Variants in JMJD6 observed in about 807,000 individuals in gnomAD.
The protein encoded by JMJD6 is jumonji domain containing 6, arginine demethylase and lysine hydroxylase.
A neutral mutation model predicts 45.8 loss-of-function variants in JMJD6; 17 were observed. The ratio of observed to expected loss-of-function variants is 0.37; its 90% CI spans 0.25 to 0.56. The LOEUF is 0.56. JMJD6 is among the 20% of genes least tolerant of loss of function. The pLI is 0.79. For missense variants in JMJD6, 470 were observed against 517.5 expected (o/e 0.91, Z 0.89); for synonymous variants, 221 against 196.3 (o/e 1.13, Z -1.05).
Position 76,722,807 on chromosome 17 carries a change from T to C in JMJD6, c.806-874A>G, listed in dbSNP as rs191678131. On this transcript the variant is annotated intron_variant, in intron 3 of 5. Coordinates refer to ENST00000397625, the MANE Select transcript of JMJD6 (RefSeq NM_015167.3). ...GTTGTAGTGGGCTGAGATTGTGCCA[T>C]TGTGCTCCAGCCTGGGTGACAGAGC... Among the ~76,000 whole-genome samples, 291 of 136,998 alleles carry C rather than the reference T, an allele frequency of 2.1e-3. 2 individuals carry two copies. The highest frequency in any genetic ancestry group is 3.7e-3 in the Middle Eastern group (1 of 268). The allele number at this position is 136,998 out of a possible 152,430, so 89.9% of individuals were successfully genotyped here.
In JMJD6 at chr17:76,723,953, C is replaced by G; in HGVS notation, c.624G>C (p.Leu208=). The stretch of plus-strand genomic sequence containing the variant: ...GTTCCCTGGGAGTGCTGGTAGGAAA[C>G]AGGCACCAGCGCTTGTGGCCCTGAA... The part of the protein sequence containing the change: ...ALVQGHKRWC[L]FPTSTPRELI... The change falls in exon 3 of 6, where the codon CTG becomes CTC. Residue 208 remains leucine, a synonymous_variant. Coordinates refer to ENST00000397625, the MANE Select transcript of JMJD6 (RefSeq NM_015167.3). The G allele has an allele frequency of 6.2e-7, 1 of 1,614,112 alleles. No individual in the cohort carries two copies. The highest frequency in any genetic ancestry group is 8.5e-7 in the Non-Finnish European group (1 of 1,180,024).
In JMJD6 at chr17:76,723,899, C is replaced by T; in HGVS notation, c.678G>A (p.Gly226=). The T allele has an allele frequency of 6.2e-7, 1 of 1,614,084 alleles. No homozygotes were observed. The highest frequency in any genetic ancestry group is 1.3e-5 in the African/African-American group (1 of 75,002). ...ELIKVTRDEG[G]NQQDEAITWF... ...AGGTAATAGCTTCGTCTTGCTGGTT[C>T]CCTCCTTCGTCTCGGGTCACTTTGA... Residue 226 remains glycine, a synonymous_variant, in exon 3 of 6, where the codon GGG becomes GGA. Transcript: ENST00000397625.
chr17:76,715,997 C>T (rs2076761173), downstream of JMJD6: 1 of 152,246 alleles, frequency 6.6e-6, no homozygotes, highest in Non-Finnish European at 1.5e-5. Context: ...CCTATTCATA[C>T]TTTAAGTTCT....
chr17:76,724,885 C>A (rs911767801), intron 2 of JMJD6, among the ~76,000 whole-genome samples: 1 of 151,858 alleles, frequency 6.6e-6, no homozygotes, highest in African/African-American at 2.4e-5. Context: ...TTTATTAAAA[C>A]CTCCCTTAGA....
At chr17:76,725,885 T>TAAA (rs376352692) in intron 1 of JMJD6, 30 bp from the exon 2 acceptor site, 8 of 1,403,466 alleles carry the variant, frequency 5.7e-6, no homozygotes, top group East Asian at 4.7e-5. Context: ...CCTGTCCAGT[T>TAAA]AAAAAAAAAA....
In JMJD6 at chr17:76,724,015, T is replaced by G; in HGVS notation, c.562A>C (p.Ile188Leu). Residue 188 changes from isoleucine to leucine, a missense_variant, in exon 3 of 6, where the codon ATC becomes CTC. Ile to Leu is a conservative substitution (Grantham distance 5). This residue lies in a region of JMJD6 where 346 missense variants were observed against 339.5 expected (regional missense o/e 1.02). Transcript: ENST00000397625. ...GPPRSGTGIH[I>L]DPLGTSAWNA... ...CAGGCACTGGTTCCCAGAGGGTCGA[T>G]GTGAATCCCAGTTCCGGAGCGTGGT... 1 of 1,614,156 alleles carries G rather than the reference T, an allele frequency of 6.2e-7. No homozygotes were observed.
chr17:76,724,088 G>A lies in JMJD6; in HGVS notation c.519-30C>T, dbSNP rs766240045. On this transcript the variant is annotated intron_variant, in intron 2 of 5. Coordinates refer to ENST00000397625, the MANE Select transcript of JMJD6 (RefSeq NM_015167.3). Reference sequence around the variant, plus strand: ...AGAATGGAGATATCCAAGATGTGAAGTGTAATTTACTTACACACATACCAC... The same window carrying A: ...AGAATGGAGATATCCAAGATGTGAAATGTAATTTACTTACACACATACCAC... 1.1e-5 allele frequency: 17 copies of A among 1,608,122 alleles called. No homozygotes were observed. The Admixed American group carries it at 1.7e-4, about 16-fold the overall frequency.
At chr17:76,713,472 G>C (rs2076743194), downstream of JMJD6, 1 of 152,126 alleles carries the variant, frequency 6.6e-6, no homozygotes, top group Non-Finnish European at 1.5e-5. Context: ...TGCTGCATAG[G>C]ATGTCACATC....
intron 1 of JMJD6, 144 bp from the exon 2 acceptor site, chr17:76,725,999 G>C (rs901487702): frequency 2.7e-6 from 3 of 1,106,424 alleles, no homozygotes; most frequent in Admixed American, 3.0e-5. Context: ...GGCAGGGCGC[G>C]TGCGTGAGGC....
At chr17:76,723,585 C>T (rs970169307) in intron 3 of JMJD6, among the ~76,000 whole-genome samples, 187 bp downstream of exon 3, 6 of 152,070 alleles carry the variant, frequency 3.9e-5, no homozygotes, top group African/African-American at 9.6e-5. Context: ...GGACTATAGG[C>T]GCCCACCACC....
At chr17:76,720,609 T>C in intron 4 of JMJD6, 111 bp from the exon 5 acceptor site, 2 of 1,058,920 alleles carry the variant, frequency 1.9e-6, no homozygotes, top group East Asian at 4.8e-5. Flanking sequence ...ATGCCAGGTG[T>C]GTCCGTTCAG....
chr17:76,725,425 A>AG (rs1555648130), intron 2 of JMJD6, 42 bp downstream of exon 2: 28 of 1,511,868 alleles, frequency 1.9e-5, no homozygotes, highest in Admixed American at 2.4e-5. Flanking sequence ...AAAAAAAAAA[A>AG]AAAGAAAAGG....
intron 2 of JMJD6, among the ~76,000 whole-genome samples, chr17:76,725,131 G>A (rs573879239): frequency 4.5e-4 from 68 of 152,218 alleles, no homozygotes; most frequent in Middle Eastern, 3.4e-3. Context: ...ACCACAGGCC[G>A]GGCGCGGTGG....
downstream of JMJD6, chr17:76,715,748 G>C (rs1215965794): frequency 6.6e-6 from 1 of 152,200 alleles, no homozygotes; most frequent in Non-Finnish European, 1.5e-5. Context: ...AGGCAAGCAG[G>C]TGAATCAAGA....
At chr17:76,721,663 C>A in intron 4 of JMJD6, 135 bp downstream of exon 4, 2 of 986,464 alleles carry the variant, frequency 2.0e-6, no homozygotes, top group Non-Finnish European at 3.0e-6. Context: ...CTCTCCTCTA[C>A]CCAGAGGGTC....
intron 3 of JMJD6, among the ~76,000 whole-genome samples, chr17:76,722,949 ATTTT>A (rs111664445): frequency 6.9e-6 from 1 of 145,652 alleles, no homozygotes. Flanking sequence ...TTTACATACA[ATTTT>A]TTTTTTTTTT....
intron 2 of JMJD6, among the ~76,000 whole-genome samples, chr17:76,724,458 G>C (rs2076872574): frequency 6.6e-6 from 1 of 152,104 alleles, no homozygotes; most frequent in Admixed American, 6.5e-5. Context: ...CTTTATTTCA[G>C]AGATTATATA....
intron 5 of JMJD6, 84 bp from the exon 6 acceptor site, chr17:76,718,944 A>C: frequency 7.3e-7 from 1 of 1,369,350 alleles, no homozygotes; most frequent in East Asian, 2.4e-5. Flanking sequence ...CTCGGGAGAC[A>C]GCACAGATAT....
chr17:76,726,369 GAGA>G lies in JMJD6; in HGVS notation c.104_106del (p.Phe35del), dbSNP rs1568004083. 6.3e-7 allele frequency: 1 copy of G among 1,596,644 alleles called. No homozygotes were observed. The highest frequency in any genetic ancestry group is 1.1e-5 in the South Asian group (1 of 88,900). On this transcript the variant is annotated inframe_deletion, in exon 1 of 6. Coordinates refer to ENST00000397625, the MANE Select transcript of JMJD6 (RefSeq NM_015167.3). ...CACCGCCACGGCCGCCGGGCTCAGC[GAGA>G]AGCTCTCGTAGTAGTTGTGCCGGGT...
Sources: gnomAD v4.1 joint callset for allele counts (sites outside exome capture counted in the v4.1 genomes callset) on GRCh38, gnomAD v4.1.1 for gene constraint, gnomAD v4.1.1 regional missense constraint, MANE v1.5 for transcripts, NCBI Gene and HGNC (gene_info 2026-07-23, HGNC 2026-07-21) for gene names.